Variants in PTK2B observed in about 807,000 individuals in gnomAD.
PTK2B encodes protein-tyrosine kinase 2-beta.
Under a neutral mutation model 142.9 loss-of-function variants are expected in PTK2B, and 71 were observed. The ratio of observed to expected loss-of-function variants is 0.50; its 90% CI spans 0.41 to 0.61. The LOEUF is 0.61. Among genes scored for constraint, PTK2B ranks in the 20% least tolerant of loss-of-function variants. The pLI is 0.00. For missense variants in PTK2B, 1,105 were observed against 1,320.4 expected (o/e 0.84, Z 2.53); for synonymous variants, 519 against 503.4 (o/e 1.03, Z -0.42).
At chr8:27,436,076 C>T (rs1810758669) in intron 14 of PTK2B, among the ~76,000 whole-genome samples, 175 bp from the exon 15 acceptor site, 1 of 152,126 alleles carries the variant, frequency 6.6e-6, no homozygotes, top group Non-Finnish European at 1.5e-5. Context: ...TGGCTCTTCC[C>T]TGGGTCTGAG....
chr8:27,432,368 G>T lies in PTK2B; in HGVS notation c.987+7G>T. 4.3e-6 allele frequency: 7 copies of T among 1,612,840 alleles called. No individual in the cohort carries two copies. Among genetic ancestry groups the T allele is most frequent in the Non-Finnish European group, 5.9e-6 (7 of 1,179,408 alleles). ...CATTGAAGGTGCCCCCCAGGTGAGT[G>T]TCTCTGGGCACTGGGCACCTGGCAG... is the stretch of plus-strand genomic sequence containing the variant. On this transcript the variant is annotated splice_region_variant and intron_variant, in intron 10 of 30. Coordinates refer to ENST00000346049, the MANE Select transcript of PTK2B (RefSeq NM_173176.3).
chr8:27,393,376 G>T (rs1005797427), intron 1 of PTK2B, among the ~76,000 whole-genome samples: 2 of 152,224 alleles, frequency 1.3e-5, no homozygotes, highest in Admixed American at 6.5e-5. Context: ...TAGATTCTGG[G>T]TGACAGAAAT....
upstream of PTK2B, among the ~76,000 whole-genome samples, chr8:27,324,596 T>C (rs1305749353): frequency 6.6e-6 from 1 of 152,178 alleles, no homozygotes; most frequent in Admixed American, 6.5e-5. Flanking sequence ...TCAGCACAAC[T>C]CCAGGGGGCG....
At chr8:27,381,124 CTG>C (rs1000251947) in intron 1 of PTK2B, among the ~76,000 whole-genome samples, 65 of 152,208 alleles carry the variant, frequency 4.3e-4, no homozygotes, top group African/African-American at 1.5e-3. Flanking sequence ...CATGTATACT[CTG>C]TGTAATAATC....
chr8:27,345,873 C>A (rs568248910), intron 1 of PTK2B, among the ~76,000 whole-genome samples: 1 of 152,260 alleles, frequency 6.6e-6, no homozygotes, highest in East Asian at 1.9e-4. Context: ...CTGGAGGCCA[C>A]AGTGAGGGGT....
intron 1 of PTK2B, among the ~76,000 whole-genome samples, chr8:27,350,036 T>C (rs1804950123): frequency 6.6e-6 from 1 of 152,214 alleles, no homozygotes; most frequent in African/African-American, 2.4e-5. Flanking sequence ...CATCCTAGCA[T>C]GGAAATGTAT....
intron 2 of PTK2B, among the ~76,000 whole-genome samples, chr8:27,408,958 C>T (rs1302743255): frequency 3.3e-5 from 5 of 152,124 alleles, no homozygotes; most frequent in Non-Finnish European, 7.4e-5. Context: ...TAGGGGAACC[C>T]GTCCTTTCCT....
rs538185477 is a variant in PTK2B at position 27,420,645 on chromosome 8, G to A, written c.384-12G>A. 43 of 1,611,950 alleles carry A rather than the reference G, an allele frequency of 2.7e-5. No homozygotes were observed. The East Asian group carries it at 9.6e-4, about 36-fold the overall frequency. Reference sequence around the variant, plus strand: ...TCTCTGTGTCAACCAGAGCCTGAATGTCTTGTTGCAGGTATGACCTTCAAA... The same window carrying A: ...TCTCTGTGTCAACCAGAGCCTGAATATCTTGTTGCAGGTATGACCTTCAAA... On this transcript the variant is annotated splice_polypyrimidine_tract_variant and intron_variant, in intron 3 of 30. Transcript: ENST00000346049.
intron 1 of PTK2B, among the ~76,000 whole-genome samples, chr8:27,356,758 G>A (rs938191453): frequency 3.9e-5 from 6 of 152,226 alleles, no homozygotes; most frequent in South Asian, 2.1e-4. Flanking sequence ...CACGGGCAAC[G>A]ACCTGGATGG....
At chr8:27,331,407 A>T (rs1341836009) in intron 1 of PTK2B, among the ~76,000 whole-genome samples, 1 of 151,832 alleles carries the variant, frequency 6.6e-6, no homozygotes, top group Non-Finnish European at 1.5e-5. Flanking sequence ...CTCACCTGGG[A>T]CGGAATGGCC....
rs1811076448 is a variant in PTK2B at position 27,440,273 on chromosome 8, A to C, written c.1871A>C (p.Gln624Pro). The C allele has an allele frequency of 1.1e-5, 18 of 1,614,112 alleles. No individual in the cohort carries two copies. The highest frequency in any genetic ancestry group is 1.5e-5 in the Non-Finnish European group (18 of 1,180,038). The change falls in exon 21 of 31, where the codon CAG becomes CCG. Residue 624 changes from glutamine (Q) to proline (P), a missense_variant. Coordinates refer to ENST00000346049, the MANE Select transcript of PTK2B (RefSeq NM_173176.3). Reference sequence around the variant, plus strand: ...TGGGAGATCCTGAGCTTTGGGAAGCAGCCCTTCTTCTGGCTGGAGAACAAG... The same window carrying C: ...TGGGAGATCCTGAGCTTTGGGAAGCCGCCCTTCTTCTGGCTGGAGAACAAG... ...CMWEILSFGKQPFFWLENKDV... is the reference protein window; with the variant it reads ...CMWEILSFGKPPFFWLENKDV...
At chr8:27,383,706 G>A (rs113544871) in intron 1 of PTK2B, among the ~76,000 whole-genome samples, 241 of 152,140 alleles carry the variant, frequency 1.6e-3, no homozygotes, top group African/African-American at 5.6e-3. Flanking sequence ...TTTTGTTTTA[G>A]ATAAGGTCTC....
At chr8:27,376,401 C>T (rs1159109103) in intron 1 of PTK2B, among the ~76,000 whole-genome samples, 1 of 152,142 alleles carries the variant, frequency 6.6e-6, no homozygotes, top group Admixed American at 6.5e-5. Flanking sequence ...AGCAGGTGGG[C>T]CTGGACTGGA....
chr8:27,325,378 C>G (rs530740619), upstream of PTK2B: 3 of 152,236 alleles, frequency 2.0e-5, no homozygotes, highest in Admixed American at 6.5e-5. Flanking sequence ...AGATCGCCCC[C>G]CAGGTCTGCC....
At chr8:27,420,432 G>A (rs1809671632) in intron 3 of PTK2B, among the ~76,000 whole-genome samples, 1 of 152,190 alleles carries the variant, frequency 6.6e-6, no homozygotes, top group Admixed American at 6.5e-5. Flanking sequence ...GAGAGTCAGG[G>A]ATAGCTCAGA....
At chr8:27,331,573 A>C (rs1586091929) in intron 1 of PTK2B, among the ~76,000 whole-genome samples, 1 of 151,280 alleles carries the variant, frequency 6.6e-6, no homozygotes, top group Non-Finnish European at 1.5e-5. Context: ...TACAACCTCT[A>C]CCTCCTGGGT....
At chr8:27,430,661 C>T (rs2132018445) in intron 7 of PTK2B, among the ~76,000 whole-genome samples, 1 of 152,338 alleles carries the variant, frequency 6.6e-6, no homozygotes, top group South Asian at 2.1e-4. Context: ...TACTGGGAAG[C>T]TACCCCTCGC....
At chr8:27,318,520 A>G (rs1448167449) in intron 3 of PTK2B, among the ~76,000 whole-genome samples, 1 of 152,186 alleles carries the variant, frequency 6.6e-6, no homozygotes, top group Non-Finnish European at 1.5e-5. Flanking sequence ...TTCTAGGAGC[A>G]GCCTGCAGGC....
rs73679169 is a variant in PTK2B, at chr8:27,342,862, T to A, written c.-38+17181T>A. On this transcript the variant is annotated intron_variant, in intron 1 of 30. Transcript: ENST00000346049. ...ACATAGAAGATGTATTCCATCCATATCTGCTGAATTGCAGTGAGAAGGGCC... is the reference window on the plus strand; with the variant it reads ...ACATAGAAGATGTATTCCATCCATAACTGCTGAATTGCAGTGAGAAGGGCC... Among the ~76,000 whole-genome samples the A allele has an allele frequency of 7.2e-3, 1,090 of 152,320 alleles. 10 individuals carry two copies. The highest frequency in any genetic ancestry group is 0.025 in the African/African-American group (1,044 of 41,566).
Sources: allele counts gnomAD v4.1 joint callset (sites outside exome capture counted in the v4.1 genomes callset), GRCh38; gene constraint gnomAD v4.1.1; transcripts MANE v1.5; gene names NCBI Gene and HGNC (gene_info 2026-07-23, HGNC 2026-07-21).